Variants in CNTNAP2 observed in about 807,000 individuals in gnomAD.
CNTNAP2 encodes the protein contactin associated protein 2, also known as contactin-associated protein-like 2.
In CNTNAP2, 98 loss-of-function variants were observed where a neutral mutation model predicts 155.2. The observed-to-expected ratio is 0.63, with a 90% CI of 0.54 to 0.75. The LOEUF is 0.75. Among genes scored for constraint, CNTNAP2 ranks in the 30% least tolerant of loss-of-function variants. The pLI, the probability that CNTNAP2 is intolerant of heterozygous loss-of-function variation, is 0.00. For synonymous variants in CNTNAP2, 651 were observed against 631.2 expected (o/e 1.03, Z -0.47); for missense variants, 1,727 against 1,688.1 (o/e 1.02, Z -0.40).
At chr7:147,889,507 A>G (rs551854209) in intron 13 of CNTNAP2, among the ~76,000 whole-genome samples, 1 of 152,196 alleles carries the variant, frequency 6.6e-6, no homozygotes, top group African/African-American at 2.4e-5. Flanking sequence ...AAAGAGAAAA[A>G]AAAATTACAA....
chr7:146,364,625 C>G (rs985933611), intron 1 of CNTNAP2, among the ~76,000 whole-genome samples: 3 of 151,938 alleles, frequency 2.0e-5, no homozygotes, highest in Admixed American at 6.6e-5. Context: ...TAAAGGACTC[C>G]GTATGACTAC....
chr7:147,200,194 G>A (rs1005695792), intron 8 of CNTNAP2, among the ~76,000 whole-genome samples: 1 of 151,914 alleles, frequency 6.6e-6, no homozygotes, highest in African/African-American at 2.4e-5. Flanking sequence ...AAAAAAAATA[G>A]TAAATGACTT....
chr7:146,343,484 A>G (rs1043033333), intron 1 of CNTNAP2, among the ~76,000 whole-genome samples: 2 of 152,192 alleles, frequency 1.3e-5, no homozygotes, highest in African/African-American at 4.8e-5. Context: ...AACCACACTC[A>G]TGCGTTAGAA....
intron 14 of CNTNAP2, among the ~76,000 whole-genome samples, chr7:147,921,596 G>A (rs1260594234): frequency 6.6e-6 from 1 of 152,132 alleles, no homozygotes; most frequent in Non-Finnish European, 1.5e-5. Flanking sequence ...TAAGACTAAT[G>A]ACAATGATAG....
intron 1 of CNTNAP2, among the ~76,000 whole-genome samples, chr7:146,602,366 C>T (rs749469284): frequency 5.3e-5 from 8 of 152,240 alleles, no homozygotes; most frequent in Non-Finnish European, 8.8e-5. Context: ...TGATCAACAG[C>T]ATCTAATGTT....
At chr7:146,834,652 A>G (rs1310489973) in intron 2 of CNTNAP2, among the ~76,000 whole-genome samples, 1 of 152,156 alleles carries the variant, frequency 6.6e-6, no homozygotes, top group African/African-American at 2.4e-5. Flanking sequence ...TACACTAGTT[A>G]TTTGCTAGAT....
chr7:148,211,229 G>T (rs1359126389), intron 18 of CNTNAP2, among the ~76,000 whole-genome samples: 1 of 152,226 alleles, frequency 6.6e-6, no homozygotes, highest in African/African-American at 2.4e-5. Context: ...CATGGTTCTG[G>T]CTCCCAGGAG....
At chr7:147,598,478 C>T in intron 12 of CNTNAP2, among the ~76,000 whole-genome samples, 1 of 152,082 alleles carries the variant, frequency 6.6e-6, no homozygotes, top group Non-Finnish European at 1.5e-5. Flanking sequence ...TGATGGTTTC[C>T]AGCTTCATCC....
At chr7:146,577,347 A>G (rs560668796) in intron 1 of CNTNAP2, among the ~76,000 whole-genome samples, 1 of 152,200 alleles carries the variant, frequency 6.6e-6, no homozygotes, top group East Asian at 1.9e-4. Context: ...TTACAAACAT[A>G]CACATTCCTT....
intron 1 of CNTNAP2, among the ~76,000 whole-genome samples, chr7:146,413,562 T>C (rs893192909): frequency 8.5e-5 from 13 of 152,232 alleles, no homozygotes; most frequent in African/African-American, 3.1e-4. Context: ...ACATCTGATC[T>C]GATTTCATCA....
intron 1 of CNTNAP2, among the ~76,000 whole-genome samples, chr7:146,236,455 C>T (rs1386768298): frequency 6.6e-6 from 1 of 151,916 alleles, no homozygotes; most frequent in Non-Finnish European, 1.5e-5. Flanking sequence ...TTTTCTAAGC[C>T]TTTGTTTTAC....
intron 15 of CNTNAP2, among the ~76,000 whole-genome samples, chr7:148,032,986 C>T (rs779822363): frequency 1.3e-5 from 2 of 152,144 alleles, no homozygotes; most frequent in Admixed American, 6.5e-5. Context: ...CCAGGTTCCA[C>T]GCAGACAGAG....
In CNTNAP2 at chr7:147,977,591, A is replaced by C. The variant is rs73747305; in HGVS notation, c.2256-271A>C. ...ACATGCTGTGGTGTACTCTCTACCT[A>C]AAAGAGTACGCAGCATAATGGTTGT... On this transcript the variant is annotated intron_variant, in intron 14 of 23. Transcript: ENST00000361727. Among the ~76,000 whole-genome samples the C allele has an allele frequency of 0.018, 2,699 of 152,264 alleles. 90 individuals are homozygous for C. The highest frequency in any genetic ancestry group is 0.062 in the African/African-American group (2,567 of 41,554).
At chr7:147,783,287 AG>A (rs1790592084) in intron 13 of CNTNAP2, among the ~76,000 whole-genome samples, 1 of 152,128 alleles carries the variant, frequency 6.6e-6, no homozygotes, top group Admixed American at 6.5e-5. Context: ...CTTTTCTGAG[AG>A]TTTAGTTGCT....
intron 3 of CNTNAP2, among the ~76,000 whole-genome samples, chr7:146,972,593 A>C (rs1797825772): frequency 1.3e-5 from 2 of 152,180 alleles, no homozygotes; most frequent in Admixed American, 1.3e-4. Context: ...TTCATATATA[A>C]AATGAAAATT....
At chr7:148,194,296 C>A (rs1345768732) in intron 18 of CNTNAP2, among the ~76,000 whole-genome samples, 1 of 152,090 alleles carries the variant, frequency 6.6e-6, no homozygotes, top group East Asian at 1.9e-4. Flanking sequence ...CACTCCTGGC[C>A]TCTTTCAAGT....
chr7:147,254,118 C>T (rs1804266286), intron 8 of CNTNAP2, among the ~76,000 whole-genome samples: 1 of 152,106 alleles, frequency 6.6e-6, no homozygotes, highest in African/African-American at 2.4e-5. Flanking sequence ...CCACCCCCAA[C>T]TCCACAGGGC....
intron 11 of CNTNAP2, among the ~76,000 whole-genome samples, chr7:147,495,549 C>T (rs1018836937): frequency 8.5e-5 from 13 of 152,144 alleles, no homozygotes; most frequent in Admixed American, 2.0e-4. Context: ...TGTAAAATGT[C>T]TAACATGTTG....
intron 8 of CNTNAP2, among the ~76,000 whole-genome samples, chr7:147,225,788 AAG>A (rs1563123698): frequency 1.6e-4 from 20 of 128,766 alleles, no homozygotes; most frequent in Non-Finnish European, 1.7e-4. Flanking sequence ...GGAAGGAAGG[AAG>A]GAAGGAAGGA....
Sources: allele counts gnomAD v4.1 joint callset (sites outside exome capture counted in the v4.1 genomes callset), GRCh38; gene constraint gnomAD v4.1.1; transcripts MANE v1.5; gene names NCBI Gene and HGNC (gene_info 2026-07-23, HGNC 2026-07-21).